The following SEMA4D variants were observed in gnomAD, a reference collection of about 807,000 sequenced individuals.
SEMA4D encodes semaphorin-4D.
In SEMA4D, 22 loss-of-function variants were observed where a neutral mutation model predicts 74.8. The ratio of observed to expected loss-of-function variants is 0.29; its 90% CI spans 0.21 to 0.42. The LOEUF (loss-of-function observed/expected upper bound fraction) is 0.42. Among genes scored for constraint, SEMA4D ranks in the 10% least tolerant of loss-of-function variants. The probability of loss-of-function intolerance (pLI) is 1.00; values close to 1 mark genes in which losing one functional copy is unlikely to be tolerated. For missense variants in SEMA4D, 937 were observed against 1,118.4 expected, an observed-to-expected ratio of 0.84 and a Z score of 2.31; for synonymous variants, 445 against 463.7, an observed-to-expected ratio of 0.96 and a Z score of 0.52.
chr9:89,467,470 A>G (rs531475161), intron 1 of SEMA4D, among the ~76,000 whole-genome samples: 9 of 146,556 alleles, frequency 6.1e-5, no homozygotes, highest in Non-Finnish European at 1.2e-4. Context: ...TCTTACAGGA[A>G]ATGTGTTATT....
At chr9:89,372,487 T>A (rs895355649), downstream of SEMA4D, among the ~76,000 whole-genome samples, 2 of 151,812 alleles carry the variant, frequency 1.3e-5, no homozygotes, top group Non-Finnish European at 2.9e-5. Context: ...TGTGCATTGC[T>A]AGCCGCATGA....
Position 89,371,016 on chromosome 9 carries a change from TGTGGTATCTGGG to T in SEMA4D, c.1882+5805_1882+5816del, listed in dbSNP as rs1207507411. Among the ~76,000 whole-genome samples the T allele has an allele frequency of 5.6e-5, 5 of 89,716 alleles. No homozygotes were observed. The East Asian group carries it at 1.0e-3, about 19-fold the overall frequency. 58.9% of individuals were successfully genotyped at this position (89,716 alleles called of 152,430 possible). A position where few individuals can be genotyped will look rare whatever the true frequency, so the allele number is the denominator to read the frequency against. ...CAGGGGTATGTCGGGGTGTGGGGTG[TGTGGTATCTGGG>T]GTGGGGTGTGGTGTGTGTCAGGGGT... is the stretch of plus-strand genomic sequence containing the variant. On this transcript the variant is annotated intron_variant, in intron 16 of 18. Coordinates refer to the SEMA4D transcript ENST00000339861.
Position 89,450,660 on chromosome 9 carries a change from G to GGAA in SEMA4D, c.-244+5227_-244+5228insTTC, listed in dbSNP as rs1491451024. The GGAA allele has an allele frequency of 5.2e-3, 2,217 of 429,734 alleles. 224 individuals are homozygous for GGAA. The highest frequency in any genetic ancestry group is 5.8e-3 in the Non-Finnish European group (1,605 of 278,656). The allele number at this position is 429,734 out of a possible 1,614,324, so 26.6% of individuals were successfully genotyped here. On this transcript the variant is annotated intron_variant, in intron 2 of 15. Transcript: ENST00000422704. ...GAGTTCTGCAAGTCGAAAAACCCAG[G>GGAA]AAAAAAAAAAAAAAAAAAAAAAAAA...
chr9:89,400,214 C>A (rs1026803353), intron 4 of SEMA4D, among the ~76,000 whole-genome samples: 1 of 152,220 alleles, frequency 6.6e-6, no homozygotes. Context: ...TTCTTTCAAA[C>A]CAGGGACAAT....
chr9:89,364,894 A>G (rs74395316), intron 16 of SEMA4D: 7,600 of 114,864 alleles, frequency 0.066, 251 homozygotes, highest in Middle Eastern at 0.17. Flanking sequence ...CCTAGACACT[A>G]TTTGTTCCAG....
intron 1 of SEMA4D, among the ~76,000 whole-genome samples, chr9:89,458,727 CCATA>C (rs1486621905): frequency 2.0e-5 from 3 of 151,752 alleles, no homozygotes; most frequent in Non-Finnish European, 2.9e-5. Flanking sequence ...ACACGCACAT[CCATA>C]CACACTCATG....
chr9:89,451,502 G>T (rs995120263), intron 2 of SEMA4D, among the ~76,000 whole-genome samples: 12 of 152,144 alleles, frequency 7.9e-5, no homozygotes, highest in African/African-American at 2.9e-4. Context: ...AGCTCAACTG[G>T]ATTTGTTCCC....
rs762630765 is a variant in SEMA4D at position 89,378,781 on chromosome 9, C to G, written c.2512G>C (p.Asp838His). 1 of 1,614,196 alleles carries G rather than the reference C, an allele frequency of 6.2e-7. No homozygotes were observed. Among genetic ancestry groups the G allele is most frequent in the Admixed American group, 1.7e-5 (1 of 60,030 alleles). ...TDREDSQRID[D>H]LSARDKPFDV... ...AAGGGCTTGTCCCTGGCAGAAAGGT[C>G]GTCGATCCTCTGTGAGTCCTCCCTA... Residue 838 changes from aspartate to histidine, a missense_variant, in exon 16 of 16, where the codon GAC (aspartate) becomes CAC (histidine). By Grantham distance (81) the Asp-to-His change is moderately conservative. Coordinates refer to ENST00000422704, the MANE Select transcript of SEMA4D (RefSeq NM_001371194.2).
intron 10 of SEMA4D, 23 bp downstream of exon 10, chr9:89,388,849 G>T (rs375339435): frequency 6.2e-7 from 1 of 1,610,058 alleles, no homozygotes; most frequent in Admixed American, 1.7e-5. Flanking sequence ...AGCAAGGAGG[G>T]GGACTCCACC....
intron 16 of SEMA4D, among the ~76,000 whole-genome samples, chr9:89,371,979 TGTCTGGG>T (rs1835021964): frequency 1.7e-5 from 2 of 118,852 alleles, no homozygotes; most frequent in African/African-American, 6.8e-5. Context: ...GTGTGGTGTG[TGTCTGGG>T]GTGTGGTGTG....
At chr9:89,493,640 C>T (rs1433285552) in intron 1 of SEMA4D, among the ~76,000 whole-genome samples, 1 of 152,186 alleles carries the variant, frequency 6.6e-6, no homozygotes, top group African/African-American at 2.4e-5. Context: ...GCTGCTCAAG[C>T]AACTCTAATT....
intron 2 of SEMA4D, among the ~76,000 whole-genome samples, chr9:89,427,238 C>G (rs576820463): frequency 1.0e-3 from 157 of 152,230 alleles, no homozygotes; most frequent in African/African-American, 3.7e-3. Context: ...TAAGGCAGTC[C>G]CTCAATTCCC....
chr9:89,457,217 T>C (rs1466279551), intron 1 of SEMA4D, among the ~76,000 whole-genome samples: 1 of 151,944 alleles, frequency 6.6e-6, no homozygotes, highest in East Asian at 1.9e-4. Context: ...GAGCCTGTGA[T>C]GGGGTGGGGA....
In SEMA4D at chr9:89,378,454, C is replaced by CA. The variant is rs1425800117; in HGVS notation, c.*249dup. 1 of 477,222 alleles carries CA rather than the reference C, an allele frequency of 2.1e-6. No homozygotes were observed. Among genetic ancestry groups the CA allele is most frequent in the African/African-American group, 1.9e-5 (1 of 51,532 alleles). 29.6% of individuals were successfully genotyped at this position (477,222 alleles called of 1,614,324 possible). On this transcript the variant is annotated 3_prime_UTR_variant, in exon 16 of 16. Coordinates refer to ENST00000422704, the MANE Select transcript of SEMA4D (RefSeq NM_001371194.2). ...CTCCGTGCCGCCCGTGGGCCTTCTT[C>CA]AAGTACTCCGACTGACTTCGGAACA...
intron 7 of SEMA4D, among the ~76,000 whole-genome samples, chr9:89,393,204 G>T (rs28654099): frequency 6.6e-6 from 1 of 152,102 alleles, no homozygotes; most frequent in Non-Finnish European, 1.5e-5. Context: ...ATGCAACAGT[G>T]GGTACACACC....
Position 89,407,555 on chromosome 9 carries a change from A to G in SEMA4D, c.-243-1856T>C, listed in dbSNP as rs375568255. 1.6e-4 allele frequency among the ~76,000 whole-genome samples: 24 copies of G among 152,338 alleles called. No homozygotes were observed. In the South Asian group the frequency reaches 2.1e-3, roughly 13 times the overall value. Reference sequence around the variant, plus strand: ...TTCCAAACTGACACAACCTCCCTCCAGTCCACTGCCACAAAGTAGCAGTGG... The same window carrying G: ...TTCCAAACTGACACAACCTCCCTCCGGTCCACTGCCACAAAGTAGCAGTGG... On this transcript the variant is annotated intron_variant, in intron 2 of 15. Coordinates refer to ENST00000422704, the MANE Select transcript of SEMA4D (RefSeq NM_001371194.2).
At chr9:89,481,460 C>T (rs1274883078) in intron 1 of SEMA4D, among the ~76,000 whole-genome samples, 2 of 152,192 alleles carry the variant, frequency 1.3e-5, no homozygotes, top group Non-Finnish European at 2.9e-5. Flanking sequence ...GCCATAAGAA[C>T]TGGAGGGCCC....
chr9:89,478,816 C>T (rs186603344), intron 1 of SEMA4D, among the ~76,000 whole-genome samples: 1,598 of 147,844 alleles, frequency 0.011, 108 homozygotes, highest in Admixed American at 0.099. Flanking sequence ...CTTGGGCAGC[C>T]ACCGCTTTTG....
At chr9:89,487,979 A>G (rs1453718439) in intron 1 of SEMA4D, among the ~76,000 whole-genome samples, 4 of 152,240 alleles carry the variant, frequency 2.6e-5, no homozygotes, top group Non-Finnish European at 5.9e-5. Flanking sequence ...GGCTTGCTGT[A>G]GAAACTGACA....
Sources: allele counts gnomAD v4.1 joint callset (sites outside exome capture counted in the v4.1 genomes callset), GRCh38; gene constraint gnomAD v4.1.1; transcripts MANE v1.5; gene names NCBI Gene and HGNC (gene_info 2026-07-23, HGNC 2026-07-21).